Variants in LIMA1 observed in about 807,000 individuals in gnomAD.
LIMA1 encodes LIM domain and actin-binding protein 1.
In LIMA1, 52 loss-of-function variants were observed where a neutral mutation model predicts 62.6. That is an observed-to-expected ratio of 0.83 (90% CI 0.67 to 1.05). The LOEUF (loss-of-function observed/expected upper bound fraction) is 1.05, where lower values mean the gene tolerates loss of function less well. Among genes scored for constraint, LIMA1 ranks in the 50% least tolerant of loss-of-function variants. LIMA1 has a pLI of 0.00. For missense variants in LIMA1, 780 were observed against 902.2 expected (o/e 0.86, Z 1.74); for synonymous variants, 302 against 317.8 (o/e 0.95, Z 0.53).
At chr12:50,212,400 C>T (rs1941273523) in intron 4 of LIMA1, among the ~76,000 whole-genome samples, 1 of 152,054 alleles carries the variant, frequency 6.6e-6, no homozygotes, top group Non-Finnish European at 1.5e-5. Flanking sequence ...GCATGGAAAT[C>T]GGGGCATAGA....
intron 8 of LIMA1, among the ~76,000 whole-genome samples, chr12:50,193,529 T>C (rs1265158385): frequency 5.6e-5 from 7 of 124,712 alleles, no homozygotes; most frequent in Non-Finnish European, 9.8e-5. Context: ...TATATACACA[T>C]ATATGATATA....
At chr12:50,216,654 A>T (rs909297117) in intron 4 of LIMA1, among the ~76,000 whole-genome samples, 29 of 152,078 alleles carry the variant, frequency 1.9e-4, no homozygotes, top group African/African-American at 6.3e-4. Flanking sequence ...TGAGGTCAGG[A>T]GTTCAAGACC....
chr12:50,233,128 C>A (rs746804410), intron 2 of LIMA1, among the ~76,000 whole-genome samples: 10 of 152,294 alleles, frequency 6.6e-5, no homozygotes, highest in African/African-American at 1.2e-4. Context: ...ACAACAAGAT[C>A]CCCGTGGATA....
chr12:50,241,149 C>T (rs1007525886), intron 2 of LIMA1, among the ~76,000 whole-genome samples: 13 of 152,120 alleles, frequency 8.5e-5, no homozygotes, highest in African/African-American at 2.9e-4. Context: ...TTGCAAATAA[C>T]GCTTTGGGGA....
At chr12:50,221,988 C>A in intron 4 of LIMA1, 33 bp downstream of exon 4, 1 of 1,561,352 alleles carries the variant, frequency 6.4e-7, no homozygotes. Context: ...CTTGAATTGG[C>A]TTTCTCAAGT....
At chr12:50,203,073 G>A (rs1056293868) in intron 6 of LIMA1, among the ~76,000 whole-genome samples, 5 of 145,304 alleles carry the variant, frequency 3.4e-5, no homozygotes, top group African/African-American at 1.3e-4. Flanking sequence ...ACAGTGGTGT[G>A]ATCTCAGCTC....
chr12:50,213,580 A>G (rs1941294109), intron 4 of LIMA1, among the ~76,000 whole-genome samples: 1 of 152,246 alleles, frequency 6.6e-6, no homozygotes, highest in Admixed American at 6.5e-5. Context: ...TCTATATGTC[A>G]ACAATTTTGA....
intron 4 of LIMA1, among the ~76,000 whole-genome samples, chr12:50,206,998 C>T (rs1477949839): frequency 6.6e-6 from 1 of 151,992 alleles, no homozygotes; most frequent in Non-Finnish European, 1.5e-5. Flanking sequence ...GATCTTGGCT[C>T]ACTGCAGCCT....
chr12:50,244,398 C>T (rs1941819522), intron 2 of LIMA1, among the ~76,000 whole-genome samples: 1 of 152,132 alleles, frequency 6.6e-6, no homozygotes, highest in East Asian at 1.9e-4. Flanking sequence ...CCATTGCGCC[C>T]AGCCATTTTT....
At chr12:50,202,302 T>C (rs1432711059) in intron 6 of LIMA1, among the ~76,000 whole-genome samples, 1 of 152,098 alleles carries the variant, frequency 6.6e-6, no homozygotes, top group Non-Finnish European at 1.5e-5. Flanking sequence ...TGAGACAAAA[T>C]GTACTTTTTA....
chr12:50,251,933 G>C (rs1202601670), intron 1 of LIMA1, among the ~76,000 whole-genome samples: 1 of 152,172 alleles, frequency 6.6e-6, no homozygotes, highest in Non-Finnish European at 1.5e-5. Context: ...ATAAACGTGA[G>C]AATCAATACA....
At chr12:50,191,148 A>G (rs1359891917) in intron 9 of LIMA1, among the ~76,000 whole-genome samples, 1 of 150,728 alleles carries the variant, frequency 6.6e-6, no homozygotes, top group African/African-American at 2.4e-5. Flanking sequence ...ACAGGTTAAG[A>G]TCAAGCTCTG....
chr12:50,236,445 G>A lies in LIMA1; in HGVS notation c.120-4735C>T, dbSNP rs906317237. Among the ~76,000 whole-genome samples, 42 of 151,210 alleles carry A rather than the reference G, an allele frequency of 2.8e-4. 1 individual carries two copies. Among genetic ancestry groups the A allele is most frequent in the Admixed American group, 2.4e-3 (36 of 15,144 alleles). On this transcript the variant is annotated intron_variant, in intron 2 of 10. Coordinates refer to ENST00000341247, the MANE Select transcript of LIMA1 (RefSeq NM_016357.5). ...CCCAAGTAGCTGGGATTACAGGCAC[G>A]CACCACCACACCCGGATAAGCTTTT...
At chr12:50,225,373 C>T (rs1472536708) in intron 3 of LIMA1, among the ~76,000 whole-genome samples, 1 of 152,030 alleles carries the variant, frequency 6.6e-6, no homozygotes, top group African/African-American at 2.4e-5. Flanking sequence ...GACTCCCCAC[C>T]TCTCCCAACC....
At chr12:50,257,059 G>A (rs1396178401) in intron 1 of LIMA1, among the ~76,000 whole-genome samples, 1 of 152,168 alleles carries the variant, frequency 6.6e-6, no homozygotes, top group African/African-American at 2.4e-5. Context: ...TTATGAGGGA[G>A]AACTTTGACT....
intron 2 of LIMA1, among the ~76,000 whole-genome samples, chr12:50,235,042 C>T (rs569397635): frequency 6.6e-6 from 1 of 152,158 alleles, no homozygotes; most frequent in East Asian, 1.9e-4. Flanking sequence ...AAGCAATTCT[C>T]CTACCTCAGC....
Position 50,181,904 on chromosome 12 carries a change from C to T in LIMA1, c.1274G>A (p.Ser425Asn), listed in dbSNP as rs1168094031. 1.9e-6 allele frequency: 3 copies of T among 1,614,036 alleles called. No homozygotes were observed. The highest frequency in any genetic ancestry group is 1.3e-5 in the African/African-American group (1 of 75,026). Residue 425 changes from serine to asparagine, a missense_variant and splice_region_variant, in exon 10 of 11, where the codon AGT becomes AAT. Ser to Asn is a conservative substitution (Grantham distance 46). Transcript: ENST00000341247. ...FRCSYCNNKL[S>N]LGTYASLHGR... is the part of the protein sequence containing the mutation. Reference sequence around the variant, plus strand: ...GATGGCTTGTTTTGGGCTGACTTACCTGAGTTTGTTGTTGCAATAGGAGCA... The same window carrying T: ...GATGGCTTGTTTTGGGCTGACTTACTTGAGTTTGTTGTTGCAATAGGAGCA...
chr12:50,221,142 TA>T (rs573706934), intron 4 of LIMA1, among the ~76,000 whole-genome samples: 222 of 152,094 alleles, frequency 1.5e-3, no homozygotes, highest in African/African-American at 5.0e-3. Flanking sequence ...ATATTTAGCT[TA>T]AAAAAAATCC....
intron 3 of LIMA1, 73 bp downstream of exon 3, chr12:50,231,592 G>A: frequency 7.5e-7 from 1 of 1,340,944 alleles, no homozygotes. Flanking sequence ...AAGCCCCACA[G>A]AGGCTGCAGG....
Sources: gnomAD v4.1 joint callset for allele counts (sites outside exome capture counted in the v4.1 genomes callset) on GRCh38, gnomAD v4.1.1 for gene constraint, MANE v1.5 for transcripts, NCBI Gene and HGNC (gene_info 2026-07-23, HGNC 2026-07-21) for gene names.